Variants in VPS35L observed in about 807,000 individuals in gnomAD.
VPS35L encodes the protein VPS35 endosomal protein sorting factor like, also known as VPS35 endosomal protein-sorting factor-like.
A neutral mutation model predicts 133.0 loss-of-function variants in VPS35L; 83 were observed. That is an observed-to-expected ratio of 0.62 (90% confidence interval 0.52 to 0.75). The LOEUF (loss-of-function observed/expected upper bound fraction) is 0.75, where lower values mean the gene tolerates loss of function less well. Ranked by LOEUF, VPS35L falls within the 30% of genes least tolerant of loss-of-function variation. The pLI is 0.00. For missense variants in VPS35L, 1,083 were observed against 1,206.8 expected (o/e 0.90, Z 1.52); for synonymous variants, 423 against 449.9 (o/e 0.94, Z 0.76).
chr16:19,682,442 C>G, intron 28 of VPS35L, 52 bp downstream of exon 28: 1 of 1,551,334 alleles, frequency 6.4e-7, no homozygotes, highest in Non-Finnish European at 8.8e-7. Flanking sequence ...TCATGAAAGG[C>G]AGACAGAATG....
chr16:19,698,830 T>C (rs1976009248), intron 29 of VPS35L, among the ~76,000 whole-genome samples: 1 of 152,220 alleles, frequency 6.6e-6, no homozygotes, highest in African/African-American at 2.4e-5. Context: ...GTATCCTCTC[T>C]CCTGGGCCTG....
At chr16:19,600,761 T>A (rs1972357599) in intron 8 of VPS35L, among the ~76,000 whole-genome samples, 1 of 152,076 alleles carries the variant, frequency 6.6e-6, no homozygotes, top group African/African-American at 2.4e-5. Flanking sequence ...TGAGAGACAG[T>A]AGGGGGTGGT....
At chr16:19,652,134 A>G in intron 26 of VPS35L, 44 bp downstream of exon 26, 1 of 1,364,140 alleles carries the variant, frequency 7.3e-7, no homozygotes. Context: ...CTTGCTGCTT[A>G]GGAAAACTGA....
At position 19,610,375 on chromosome 16, in the gene VPS35L, A is replaced by C. The variant is rs939381191; in HGVS notation, c.983A>C (p.Asp328Ala). 1 of 1,613,758 alleles carries C rather than the reference A, an allele frequency of 6.2e-7. No individual in the cohort carries two copies. Among genetic ancestry groups the C allele is most frequent in the African/African-American group, 1.3e-5 (1 of 74,844 alleles). The change falls in exon 12 of 31, where the codon GAC becomes GCC. Residue 328 changes from aspartate (D) to alanine (A), a missense_variant. Asp to Ala is a moderately radical substitution (Grantham distance 126). Coordinates refer to ENST00000417362, the MANE Select transcript of VPS35L (RefSeq NM_020314.7). ...RLTCMIRGIG[D>A]PLVSVYARAY... Reference sequence around the variant, plus strand: ...ACATGCATGATCAGAGGGATCGGAGACCCACTAGTGTCGGTGTATGCCCGT... The same window carrying C: ...ACATGCATGATCAGAGGGATCGGAGCCCCACTAGTGTCGGTGTATGCCCGT...
Position 19,627,622 on chromosome 16 carries a change from A to T in VPS35L, c.1272-72A>T. On this transcript the variant is annotated intron_variant, in intron 15 of 30. Transcript: ENST00000417362. ...GAGCTGTTAGTCTTCCTTCCTGGCA[A>T]TATATATTCAAAAATTAAAGCAACT... The T allele has an allele frequency of 2.6e-6, 3 of 1,173,440 alleles. No individual in the cohort carries two copies. In the South Asian group the frequency reaches 3.7e-5, roughly 14 times the overall value. The allele number at this position is 1,173,440 out of a possible 1,614,324, so 72.7% of individuals were successfully genotyped here.
At chr16:19,652,150 G>A in intron 26 of VPS35L, 60 bp downstream of exon 26, 4 of 1,172,940 alleles carry the variant, frequency 3.4e-6, no homozygotes, top group Non-Finnish European at 5.0e-6. Flanking sequence ...ACTGACTCAG[G>A]TGTGTGCGTA....
intron 28 of VPS35L, among the ~76,000 whole-genome samples, chr16:19,684,843 G>A (rs574114051): frequency 1.3e-5 from 2 of 152,202 alleles, no homozygotes; most frequent in South Asian, 2.1e-4. Context: ...GATCACCTGA[G>A]GTCAGGAGTT....
Position 19,682,524 on chromosome 16 carries a change from T to C in VPS35L, c.2527+134T>C. 6.0e-6 allele frequency: 6 copies of C among 1,001,902 alleles called. No homozygotes were observed. The South Asian group carries it at 1.0e-4, about 17-fold the overall frequency. 62.1% of individuals were successfully genotyped at this position (1,001,902 alleles called of 1,614,324 possible). On this transcript the variant is annotated intron_variant, in intron 28 of 30. Transcript: ENST00000417362. ...ATGAACTTCTAGTCCAGGGTCTCAC[T>C]GTATTTACCTGATCTAAGATTTACC...
At chr16:19,615,648 TCAAAA>T (rs1432055607) in intron 12 of VPS35L, among the ~76,000 whole-genome samples, 1 of 148,304 alleles carries the variant, frequency 6.7e-6, no homozygotes, top group Non-Finnish European at 1.5e-5. Context: ...AGACTCTGTC[TCAAAA>T]CAAAACAAAA....
At chr16:19,601,767 CAGGACTAGA>C in intron 9 of VPS35L, 44 bp downstream of exon 9, 1 of 1,592,014 alleles carries the variant, frequency 6.3e-7, no homozygotes, top group Non-Finnish European at 8.6e-7. Context: ...GCCCTGGAGT[CAGGACTAGA>C]AGGCTTTTAT....
chr16:19,696,880 A>G (rs1177544846), intron 29 of VPS35L, among the ~76,000 whole-genome samples: 1 of 152,074 alleles, frequency 6.6e-6, no homozygotes, highest in African/African-American at 2.4e-5. Context: ...CTCCAAGGAG[A>G]CTTTTAGTTA....
At position 19,610,188 on chromosome 16, in the gene VPS35L, C is replaced by G. The variant is rs1183435372; in HGVS notation, c.930-134C>G. ...TTGCCTTAGAAAACTGAAACTTTGA[C>G]CTTGGTTTGTTACTGAAACTTGATT... On this transcript the variant is annotated intron_variant, in intron 11 of 30. Transcript: ENST00000417362. 6.0e-6 allele frequency: 4 copies of G among 666,350 alleles called. No individual in the cohort carries two copies. The Admixed American group carries it at 7.8e-5, about 13-fold the overall frequency. 41.3% of individuals were successfully genotyped at this position (666,350 alleles called of 1,614,324 possible). A position where few individuals can be genotyped will look rare whatever the true frequency, so the allele number is the denominator to read the frequency against.
intron 28 of VPS35L, 74 bp from the exon 29 acceptor site, chr16:19,691,277 GAC>G: frequency 8.4e-7 from 1 of 1,187,030 alleles, no homozygotes; most frequent in Non-Finnish European, 1.3e-6. Context: ...GGTGTGACAT[GAC>G]ACACGGCTGC....
intron 26 of VPS35L, among the ~76,000 whole-genome samples, chr16:19,660,079 A>G (rs180970999): frequency 2.6e-5 from 4 of 152,182 alleles, no homozygotes; most frequent in African/African-American, 7.2e-5. Context: ...TAATCCCAGC[A>G]CTTTGGGAGG....
intron 1 of VPS35L, among the ~76,000 whole-genome samples, chr16:19,560,670 C>T (rs1298312236): frequency 2.6e-5 from 4 of 152,010 alleles, no homozygotes; most frequent in African/African-American, 9.7e-5. Flanking sequence ...GTGACACACA[C>T]CTGTAATCCC....
intron 24 of VPS35L, among the ~76,000 whole-genome samples, chr16:19,648,257 G>A (rs559192679): frequency 1.9e-4 from 29 of 152,178 alleles, no homozygotes; most frequent in African/African-American, 6.3e-4. Context: ...GAACCACTGC[G>A]CCCACCCTTA....
Position 19,581,614 on chromosome 16 carries a change from C to G in VPS35L, c.600C>G (p.Ala200=). 6.2e-7 allele frequency: 1 copy of G among 1,614,144 alleles called. No homozygotes were observed. The highest frequency in any genetic ancestry group is 8.5e-7 in the Non-Finnish European group (1 of 1,180,026). The stretch of plus-strand genomic sequence containing the variant: ...ACCAATCGCTGAAGGATGCCTGGGC[C>G]TCAGACCAGAAAGTGAAGGCTCTAA... The part of the protein sequence containing the change: ...ELNQSLKDAW[A]SDQKVKALKI... The change falls in exon 7 of 31, where the codon GCC becomes GCG. Residue 200 remains alanine, a synonymous_variant. Transcript: ENST00000417362.
chr16:19,672,560 G>C (rs990618870), intron 27 of VPS35L, among the ~76,000 whole-genome samples: 1 of 152,210 alleles, frequency 6.6e-6, no homozygotes, highest in Non-Finnish European at 1.5e-5. Context: ...CAGATTCCAA[G>C]TCTTCAGACA....
chr16:19,584,866 C>T (rs934684867), intron 7 of VPS35L, among the ~76,000 whole-genome samples: 4 of 151,716 alleles, frequency 2.6e-5, no homozygotes, highest in African/African-American at 9.7e-5. Context: ...CTATTTTTGT[C>T]TTTTTGATAG....
Sources: gnomAD v4.1 joint callset for allele counts (sites outside exome capture counted in the v4.1 genomes callset) on GRCh38, gnomAD v4.1.1 for gene constraint, MANE v1.5 for transcripts, NCBI Gene and HGNC (gene_info 2026-07-23, HGNC 2026-07-21) for gene names.